ANGPT1: variants seen among roughly 807,000 people sequenced by gnomAD.
ANGPT1 encodes angiopoietin 1.
In ANGPT1, 17 loss-of-function variants were observed where a neutral mutation model predicts 62.2. The ratio of observed to expected loss-of-function variants is 0.27; its 90% CI spans 0.19 to 0.41. The LOEUF (loss-of-function observed/expected upper bound fraction) is 0.41, where lower values mean the gene tolerates loss of function less well. Among genes scored for constraint, ANGPT1 ranks in the 10% least tolerant of loss-of-function variants. The pLI is 1.00. For missense variants in ANGPT1, 478 were observed against 594.9 expected (o/e 0.80, Z 2.04); for synonymous variants, 199 against 198.9 (o/e 1.00, Z 0.00).
intron 7 of ANGPT1, among the ~76,000 whole-genome samples, chr8:107,282,133 C>A (rs1814021870): frequency 6.6e-6 from 1 of 151,748 alleles, no homozygotes; most frequent in African/African-American, 2.4e-5. Flanking sequence ...ATAACACCAT[C>A]TTATAGTGTG....
intron 1 of ANGPT1, among the ~76,000 whole-genome samples, chr8:107,395,650 A>G (rs992012238): frequency 4.6e-5 from 7 of 152,208 alleles, no homozygotes; most frequent in South Asian, 4.1e-4. Context: ...AATATCTACA[A>G]CTAAGATATG....
At chr8:107,273,406 GA>G (rs1295763782) in intron 7 of ANGPT1, among the ~76,000 whole-genome samples, 20 of 152,016 alleles carry the variant, frequency 1.3e-4, no homozygotes, top group African/African-American at 4.6e-4. Flanking sequence ...TGCATTAGCA[GA>G]TTCTTCTGAT....
At chr8:107,291,935 T>A (rs1416297472) in intron 6 of ANGPT1, among the ~76,000 whole-genome samples, 2 of 148,286 alleles carry the variant, frequency 1.3e-5, no homozygotes, top group African/African-American at 5.0e-5. Flanking sequence ...GTCTATTTGA[T>A]GTTGGGATTA....
chr8:107,363,265 T>C (rs964643712), intron 1 of ANGPT1, among the ~76,000 whole-genome samples: 3 of 152,202 alleles, frequency 2.0e-5, no homozygotes, highest in Non-Finnish European at 2.9e-5. Context: ...CTTGGTCAGA[T>C]GTAAGGTGCC....
chr8:107,481,532 C>CAAAAAAA (rs71562147), intron 1 of ANGPT1, among the ~76,000 whole-genome samples: 2 of 64,316 alleles, frequency 3.1e-5, no homozygotes, highest in African/African-American at 1.3e-4. Context: ...GACTCTGTCT[C>CAAAAAAA]AAAAAAAAAA....
rs1815322405 is a variant in ANGPT1 at position 107,327,706 on chromosome 8, C to T, written c.576-5578G>A. Reference sequence around the variant, plus strand: ...CAAGGAGAGAGTTTCTCACAGGAGTCTTAGGACTTCCTGTTTCCCGTCTTT... The same window carrying T: ...CAAGGAGAGAGTTTCTCACAGGAGTTTTAGGACTTCCTGTTTCCCGTCTTT... On this transcript the variant is annotated intron_variant, in intron 3 of 8. Transcript: ENST00000517746. Among the ~76,000 whole-genome samples the T allele has an allele frequency of 2.6e-5, 4 of 152,096 alleles. 1 individual carries two copies. The highest frequency in any genetic ancestry group is 1.3e-4 in the Admixed American group (2 of 15,260).
intron 1 of ANGPT1, among the ~76,000 whole-genome samples, chr8:107,487,634 A>G (rs1812848916): frequency 6.6e-6 from 1 of 152,264 alleles, no homozygotes; most frequent in East Asian, 1.9e-4. Context: ...CTTTCAGCAC[A>G]TTATGATATA....
intron 1 of ANGPT1, among the ~76,000 whole-genome samples, chr8:107,396,790 T>C (rs1018352423): frequency 2.6e-5 from 4 of 152,094 alleles, no homozygotes. Context: ...CCTAAAGTGC[T>C]AGGATTATAG....
chr8:107,398,740 A>G (rs1038551841), intron 1 of ANGPT1, among the ~76,000 whole-genome samples: 2 of 152,130 alleles, frequency 1.3e-5, no homozygotes, highest in Non-Finnish European at 2.9e-5. Flanking sequence ...ATTTCTTATT[A>G]TGTTTTTCAA....
rs200770367 is a variant in ANGPT1, at chr8:107,295,988, CT to C, written c.937-1952del. 7.1e-3 allele frequency among the ~76,000 whole-genome samples: 1,081 copies of C among 152,212 alleles called. 22 individuals are homozygous for C. Among genetic ancestry groups the C allele is most frequent in the African/African-American group, 0.024 (1,013 of 41,530 alleles). On this transcript the variant is annotated intron_variant, in intron 5 of 8. Transcript: ENST00000517746. ...ACTGAGGTTTAGAGTAGTTCAGTAACTTACCAGTGATTATACTCAACAATAA... is the reference window on the plus strand; with the variant it reads ...ACTGAGGTTTAGAGTAGTTCAGTAACTACCAGTGATTATACTCAACAATAA...
Position 107,251,796 on chromosome 8 carries a change from A to G in ANGPT1, c.*59T>C. On this transcript the variant is annotated 3_prime_UTR_variant, in exon 9 of 9. Coordinates refer to ENST00000517746, the MANE Select transcript of ANGPT1 (RefSeq NM_001146.5). ...TTCTGAAGTTTTCAAACAGTTTCTC[A>G]CCTGGCAGCTTCTCCGGATTTCTTT... 8 of 1,595,878 alleles carry G rather than the reference A, an allele frequency of 5.0e-6. No homozygotes were observed. The highest frequency in any genetic ancestry group is 6.9e-6 in the Non-Finnish European group (8 of 1,166,704).
intron 6 of ANGPT1, among the ~76,000 whole-genome samples, chr8:107,287,583 C>T (rs972503837): frequency 2.0e-5 from 3 of 152,130 alleles, no homozygotes; most frequent in African/African-American, 7.2e-5. Flanking sequence ...CCAGAAACAA[C>T]TGTTTCATTA....
chr8:107,497,247 A>C lies in ANGPT1; in HGVS notation c.297+15T>G. The C allele has an allele frequency of 3.1e-6, 5 of 1,611,652 alleles. No homozygotes were observed. The Admixed American group carries it at 6.7e-5, about 22-fold the overall frequency. On this transcript the variant is annotated intron_variant, in intron 1 of 8. Coordinates refer to ENST00000517746, the MANE Select transcript of ANGPT1 (RefSeq NM_001146.5). ...AAAAGGTCCGTGCTATTAGAAACTG[A>C]AAGCAATCACTTACTTTTTGCAGCC...
At chr8:107,436,028 G>A (rs13265264) in intron 1 of ANGPT1, among the ~76,000 whole-genome samples, 35,546 of 151,894 alleles carry the variant, frequency 0.23, 4,551 homozygotes, top group East Asian at 0.6. Flanking sequence ...TCAGCCTCCC[G>A]AGAAGCTGGG....
chr8:107,300,760 A>T (rs1236857507), intron 5 of ANGPT1, among the ~76,000 whole-genome samples: 3 of 151,954 alleles, frequency 2.0e-5, no homozygotes, highest in Non-Finnish European at 2.9e-5. Flanking sequence ...ATTTGTGAAT[A>T]TAATATTCTA....
chr8:107,320,945 G>T (rs562126683), intron 4 of ANGPT1, among the ~76,000 whole-genome samples: 1 of 152,032 alleles, frequency 6.6e-6, no homozygotes, highest in African/African-American at 2.4e-5. Context: ...CTTCATGAAT[G>T]GTCACATAAG....
chr8:107,484,907 A>G (rs900963246), intron 1 of ANGPT1, among the ~76,000 whole-genome samples: 4 of 152,184 alleles, frequency 2.6e-5, no homozygotes, highest in Non-Finnish European at 5.9e-5. Flanking sequence ...TTCCTTTAAT[A>G]TGTATTTGCT....
intron 1 of ANGPT1, among the ~76,000 whole-genome samples, chr8:107,362,009 C>T (rs748940163): frequency 4.6e-5 from 7 of 152,078 alleles, no homozygotes; most frequent in African/African-American, 9.7e-5. Context: ...GAGCTGAGAT[C>T]GCGCCACTGC....
At chr8:107,401,321 A>G (rs773003296) in intron 1 of ANGPT1, among the ~76,000 whole-genome samples, 1 of 152,016 alleles carries the variant, frequency 6.6e-6, no homozygotes, top group Admixed American at 6.6e-5. Flanking sequence ...GTCATTAATT[A>G]TATTTTTTTA....
Sources: gnomAD v4.1 joint callset for allele counts (sites outside exome capture counted in the v4.1 genomes callset) on GRCh38, gnomAD v4.1.1 for gene constraint, MANE v1.5 for transcripts, NCBI Gene and HGNC (gene_info 2026-07-23, HGNC 2026-07-21) for gene names.